The following CSMD1 variants were observed in gnomAD, a reference collection of about 807,000 sequenced individuals.
CSMD1 encodes the protein CUB and Sushi multiple domains 1, also known as CUB and sushi domain-containing protein 1.
CSMD1 carries 213 observed loss-of-function variants against 417.5 expected under a neutral mutation model. The ratio of observed to expected loss-of-function variants is 0.51; its 90% confidence interval spans 0.46 to 0.57. CSMD1 has a LOEUF of 0.57. Ranked by LOEUF, CSMD1 falls within the 20% of genes least tolerant of loss-of-function variation. The probability of loss-of-function intolerance (pLI) is 0.00; values close to 1 mark genes in which losing one functional copy is unlikely to be tolerated. For synonymous variants in CSMD1, 2,862 were observed against 1,736.8 expected (o/e 1.65, Z -16.11); for missense variants, 6,923 against 4,529.7 (o/e 1.53, Z -15.17).
chr8:3,339,838 T>C (rs1473524492), intron 23 of CSMD1, among the ~76,000 whole-genome samples: 1 of 152,200 alleles, frequency 6.6e-6, no homozygotes, highest in Non-Finnish European at 1.5e-5. Flanking sequence ...CTATGGGTTA[T>C]GGCTCCATTG....
chr8:3,513,975 G>A (rs79471142), intron 10 of CSMD1, among the ~76,000 whole-genome samples: 3 of 152,116 alleles, frequency 2.0e-5, no homozygotes, highest in Non-Finnish European at 2.9e-5. Flanking sequence ...AAACAGAGAA[G>A]GTAGCAGATT....
intron 11 of CSMD1, among the ~76,000 whole-genome samples, chr8:3,489,644 G>A (rs1585241386): frequency 6.6e-6 from 1 of 152,122 alleles, no homozygotes; most frequent in Non-Finnish European, 1.5e-5. Context: ...TCTCAGGGAA[G>A]GTGGATTACA....
chr8:3,315,720 A>T (rs2117445877), intron 23 of CSMD1, among the ~76,000 whole-genome samples: 1 of 152,326 alleles, frequency 6.6e-6, no homozygotes, highest in Non-Finnish European at 1.5e-5. Flanking sequence ...CTTAAGGTAA[A>T]ACATCAAAAA....
At chr8:3,326,837 T>C (rs1025423787) in intron 23 of CSMD1, among the ~76,000 whole-genome samples, 4 of 152,176 alleles carry the variant, frequency 2.6e-5, no homozygotes, top group African/African-American at 7.2e-5. Context: ...AAAATGCCTT[T>C]TCAGGATTCT....
chr8:4,333,123 T>C (rs978767166), intron 3 of CSMD1, among the ~76,000 whole-genome samples: 12 of 152,078 alleles, frequency 7.9e-5, no homozygotes, highest in Non-Finnish European at 1.3e-4. Context: ...AAATAGCAGG[T>C]GAAATCCAGC....
intron 9 of CSMD1, among the ~76,000 whole-genome samples, chr8:3,580,946 C>T (rs138796838): frequency 6.6e-6 from 1 of 152,306 alleles, no homozygotes; most frequent in African/African-American, 2.4e-5. Flanking sequence ...CTAACCTCAT[C>T]TGAAATTCCA....
intron 1 of CSMD1, among the ~76,000 whole-genome samples, chr8:4,764,138 C>G (rs896012832): frequency 6.6e-6 from 1 of 152,142 alleles, no homozygotes; most frequent in African/African-American, 2.4e-5. Context: ...TCGCATTATT[C>G]TTGTTTTTCT....
intron 1 of CSMD1, among the ~76,000 whole-genome samples, chr8:4,821,928 T>G (rs937423923): frequency 6.6e-6 from 1 of 152,060 alleles, no homozygotes; most frequent in Non-Finnish European, 1.5e-5. Context: ...CTGCTTCAGG[T>G]ATTTTTAAAT....
chr8:3,956,455 T>A (rs1811953954), intron 5 of CSMD1, among the ~76,000 whole-genome samples: 1 of 152,186 alleles, frequency 6.6e-6, no homozygotes, highest in Admixed American at 6.5e-5. Context: ...TGTGATAGCT[T>A]GAGTTTCATA....
chr8:4,365,796 T>C (rs542191123), intron 3 of CSMD1, among the ~76,000 whole-genome samples: 4 of 152,362 alleles, frequency 2.6e-5, no homozygotes, highest in African/African-American at 7.2e-5. Flanking sequence ...ACTCTTGGCA[T>C]TACCCTCCAG....
At chr8:3,930,310 C>G (rs1810052629) in intron 5 of CSMD1, among the ~76,000 whole-genome samples, 1 of 150,308 alleles carries the variant, frequency 6.7e-6, no homozygotes, top group Non-Finnish European at 1.5e-5. Context: ...ATTCAAAGAC[C>G]TGTGCTAACA....
chr8:4,639,062 A>G (rs1022608620), intron 1 of CSMD1, among the ~76,000 whole-genome samples: 9 of 152,100 alleles, frequency 5.9e-5, no homozygotes, highest in Non-Finnish European at 1.2e-4. Flanking sequence ...TTCTATTTTT[A>G]CCACTAGACA....
chr8:3,169,278 G>T (rs750054332), intron 37 of CSMD1, among the ~76,000 whole-genome samples: 3 of 152,094 alleles, frequency 2.0e-5, no homozygotes, highest in African/African-American at 7.2e-5. Context: ...CTTTGGATTT[G>T]GCATTGATTT....
intron 7 of CSMD1, among the ~76,000 whole-genome samples, chr8:3,637,870 G>C (rs890300334): frequency 1.3e-5 from 2 of 152,136 alleles, no homozygotes; most frequent in African/African-American, 4.8e-5. Flanking sequence ...AGTCTCACAA[G>C]ATCTGATGGT....
At chr8:4,370,954 T>C (rs549526443) in intron 3 of CSMD1, among the ~76,000 whole-genome samples, 12 of 152,330 alleles carry the variant, frequency 7.9e-5, no homozygotes, top group African/African-American at 2.6e-4. Context: ...TTTGAATCCA[T>C]TGCTGGCGAG....
At chr8:4,394,061 C>G (rs1443601031) in intron 3 of CSMD1, among the ~76,000 whole-genome samples, 1 of 152,136 alleles carries the variant, frequency 6.6e-6, no homozygotes, top group African/African-American at 2.4e-5. Flanking sequence ...TTCTCAGTTA[C>G]TCATATCTGA....
chr8:4,792,542 A>T (rs1362121348), intron 1 of CSMD1, among the ~76,000 whole-genome samples: 1 of 152,150 alleles, frequency 6.6e-6, no homozygotes, highest in Non-Finnish European at 1.5e-5. Flanking sequence ...TCACGCACCC[A>T]TTCAGCCATA....
intron 6 of CSMD1, among the ~76,000 whole-genome samples, chr8:3,713,738 G>A (rs535828802): frequency 9.8e-5 from 15 of 152,338 alleles, no homozygotes; most frequent in Non-Finnish European, 2.1e-4. Flanking sequence ...TACTCAATAT[G>A]AGGAGATGCC....
At chr8:3,158,217 C>T (rs1400162207) in intron 38 of CSMD1, among the ~76,000 whole-genome samples, 2 of 152,128 alleles carry the variant, frequency 1.3e-5, no homozygotes, top group Admixed American at 6.5e-5. Context: ...TTTGACCAGA[C>T]CATAATTCGA....
Sources: allele counts gnomAD v4.1 joint callset (sites outside exome capture counted in the v4.1 genomes callset), GRCh38; gene constraint gnomAD v4.1.1; transcripts MANE v1.5; gene names NCBI Gene and HGNC (gene_info 2026-07-23, HGNC 2026-07-21).